Variants in TAF15 observed in about 807,000 individuals in gnomAD.
The protein encoded by TAF15 is TATA-binding protein-associated factor 2N.
TAF15 carries 37 observed loss-of-function variants against 102.5 expected under a neutral mutation model. The ratio of observed to expected loss-of-function variants is 0.36; its 90% confidence interval spans 0.28 to 0.47. TAF15 has a LOEUF of 0.47. Among genes scored for constraint, TAF15 ranks in the 20% least tolerant of loss-of-function variants. The pLI is 0.99. For synonymous variants in TAF15, 273 were observed against 259.2 expected, an observed-to-expected ratio of 1.05 and a Z score of -0.51; for missense variants, 652 against 760.7, an observed-to-expected ratio of 0.86 and a Z score of 1.68.
At chr17:35,815,485 C>T (rs570358976) in intron 1 of TAF15, among the ~76,000 whole-genome samples, 1 of 152,166 alleles carries the variant, frequency 6.6e-6, no homozygotes, top group South Asian at 2.1e-4. Context: ...TTTATAATTT[C>T]AGAGGGCTGA....
At chr17:35,831,795 C>CT (rs2087409587) in intron 7 of TAF15, among the ~76,000 whole-genome samples, 1 of 152,202 alleles carries the variant, frequency 6.6e-6, no homozygotes, top group African/African-American at 2.4e-5. Flanking sequence ...TAAAAAACCT[C>CT]TGAGAGGCCG....
chr17:35,820,131 G>T (rs1474309434), intron 3 of TAF15, 33 bp from the exon 4 acceptor site: 1 of 1,613,462 alleles, frequency 6.2e-7, no homozygotes, highest in Non-Finnish European at 8.5e-7. Flanking sequence ...TCTTAAGTAG[G>T]TGATGAAACT....
intron 1 of TAF15, among the ~76,000 whole-genome samples, chr17:35,812,284 C>T (rs1023598360): frequency 6.6e-6 from 1 of 151,896 alleles, no homozygotes; most frequent in Admixed American, 6.6e-5. Context: ...CTGGTAATAC[C>T]CTTGGTGTTT....
chr17:35,842,103 C>G (rs1434197804), intron 11 of TAF15, among the ~76,000 whole-genome samples: 1 of 152,060 alleles, frequency 6.6e-6, no homozygotes, highest in African/African-American at 2.4e-5. Context: ...GCTGGTGCTA[C>G]AGACACATAC....
intron 15 of TAF15, among the ~76,000 whole-genome samples, chr17:35,845,577 G>A (rs4251787): frequency 0.26 from 39,745 of 151,922 alleles, 6,104 homozygotes; most frequent in African/African-American, 0.42. Context: ...CAGTGGCGCA[G>A]TCTCGGCTCA....
At position 35,810,835 on chromosome 17, in the gene TAF15, G is replaced by A. The variant is rs533270563; in HGVS notation, c.7+1259G>A. On this transcript the variant is annotated intron_variant, in intron 1 of 15. Transcript: ENST00000605844. The stretch of plus-strand genomic sequence containing the variant: ...CATGCTATACATTACTTAGATTAAT[G>A]TTGATATTTAAGGAGCCAGGATATT... The A allele has an allele frequency of 7.2e-5, 11 of 152,330 alleles. No homozygotes were observed. In the East Asian group the frequency reaches 1.3e-3, roughly 19 times the overall value. The allele number at this position is 152,330 out of a possible 1,614,324, so 9.4% of individuals were successfully genotyped here. A position where few individuals can be genotyped will look rare whatever the true frequency, so the allele number is the denominator to read the frequency against.
chr17:35,846,646 G>A (rs752489420), intron 15 of TAF15, among the ~76,000 whole-genome samples: 1 of 152,170 alleles, frequency 6.6e-6, no homozygotes, highest in Non-Finnish European at 1.5e-5. Flanking sequence ...CTGATCTTCT[G>A]AAATATTTGT....
At position 35,844,356 on chromosome 17, in the gene TAF15, C is replaced by G. The variant is rs372454711; in HGVS notation, c.1165C>G (p.Pro389Ala). The change falls in exon 14 of 16, where the codon CCC becomes GCC. Residue 389 changes from proline to alanine, a missense_variant. Coordinates refer to ENST00000605844, the MANE Select transcript of TAF15 (RefSeq NM_139215.3). Reference sequence around the variant, plus strand: ...TGAGCCTAGACCAGAGGACTCTCGTCCCTCAGGAGGAGGTGGGTCAGCCTT... The same window carrying G: ...TGAGCCTAGACCAGAGGACTCTCGTGCCTCAGGAGGAGGTGGGTCAGCCTT... ...CNEPRPEDSR[P>A]SGGDFRGRGY... The G allele has an allele frequency of 3.7e-6, 6 of 1,614,048 alleles. No homozygotes were observed. The highest frequency in any genetic ancestry group is 5.1e-6 in the Non-Finnish European group (6 of 1,180,008).
chr17:35,814,983 G>A (rs781611410), intron 1 of TAF15, among the ~76,000 whole-genome samples: 1 of 152,036 alleles, frequency 6.6e-6, no homozygotes, highest in Non-Finnish European at 1.5e-5. Context: ...TAATAGATCA[G>A]GCAAACAGTA....
intron 1 of TAF15, chr17:35,809,790 C>T (rs1467600319): frequency 3.1e-6 from 2 of 650,168 alleles, no homozygotes. Flanking sequence ...GCGCCTCGGG[C>T]CTCTTGTCTT....
At chr17:35,836,503 A>G (rs1370203463) in intron 10 of TAF15, among the ~76,000 whole-genome samples, 1 of 152,168 alleles carries the variant, frequency 6.6e-6, no homozygotes, top group East Asian at 1.9e-4. Flanking sequence ...CTTAGTTCTT[A>G]TAACTGTGAG....
At chr17:35,818,187 G>A (rs1314086011) in intron 2 of TAF15, among the ~76,000 whole-genome samples, 1 of 151,814 alleles carries the variant, frequency 6.6e-6, no homozygotes, top group Admixed American at 6.6e-5. Flanking sequence ...GCTCCGCCTC[G>A]CAGGTTCACG....
intron 7 of TAF15, among the ~76,000 whole-genome samples, chr17:35,827,753 A>T (rs1313347289): frequency 6.6e-6 from 1 of 152,138 alleles, no homozygotes; most frequent in Non-Finnish European, 1.5e-5. Flanking sequence ...ATTGGATATA[A>T]GGTAAAGGAT....
At chr17:35,842,338 T>C in intron 11 of TAF15, 29 bp from the exon 12 acceptor site, 1 of 1,576,164 alleles carries the variant, frequency 6.3e-7, no homozygotes, top group Non-Finnish European at 8.7e-7. Flanking sequence ...AGAGTAGCAT[T>C]GCTTCAAAGC....
At chr17:35,845,447 G>A (rs561725592) in intron 15 of TAF15, among the ~76,000 whole-genome samples, 2 of 152,002 alleles carry the variant, frequency 1.3e-5, no homozygotes, top group African/African-American at 4.8e-5. Context: ...GTAGAGACAG[G>A]GTCTCACTAT....
rs1490929565 is a variant in TAF15, at chr17:35,841,719, A to T, written c.914-648A>T. 3.7e-5 allele frequency among the ~76,000 whole-genome samples: 5 copies of T among 135,268 alleles called. No homozygotes were observed. In the East Asian group the frequency reaches 1.1e-3, roughly 29 times the overall value. The allele number at this position is 135,268 out of a possible 152,430, so 88.7% of individuals were successfully genotyped here. Reference sequence around the variant, plus strand: ...AGCTTTTTTTTTTTTTTTTTTGGAGAGAGAGTATCACACTGTCTTCCAGGC... The same window carrying T: ...AGCTTTTTTTTTTTTTTTTTTGGAGTGAGAGTATCACACTGTCTTCCAGGC... On this transcript the variant is annotated intron_variant, in intron 11 of 15. Transcript: ENST00000605844.
At chr17:35,834,083 A>G (rs2087440395) in intron 8 of TAF15, 142 bp downstream of exon 8, 7 of 538,782 alleles carry the variant, frequency 1.3e-5, no homozygotes, top group Non-Finnish European at 3.2e-6. Flanking sequence ...AAAATTTTAT[A>G]TATATATATA....
In TAF15 at chr17:35,845,472, T is replaced by C. The variant is rs527388030; in HGVS notation, c.1739+434T>C. On this transcript the variant is annotated intron_variant, in intron 15 of 15. Transcript: ENST00000605844. ...GGTCTCACTATGTTGCCCAGGCTGGTCTCAAACTCCTGGCCTCAAGCATTC... is the reference window on the plus strand; with the variant it reads ...GGTCTCACTATGTTGCCCAGGCTGGCCTCAAACTCCTGGCCTCAAGCATTC... 2.6e-5 allele frequency among the ~76,000 whole-genome samples: 4 copies of C among 152,260 alleles called. No individual in the cohort carries two copies. In the East Asian group the frequency reaches 5.8e-4, roughly 22 times the overall value.
intron 7 of TAF15, chr17:35,833,683 A>G (rs2087434831): frequency 7.3e-6 from 4 of 545,734 alleles, no homozygotes; most frequent in Non-Finnish European, 1.3e-5. Flanking sequence ...AGTATATTAG[A>G]TATGTAATAA....
Sources: gnomAD v4.1 joint callset for allele counts (sites outside exome capture counted in the v4.1 genomes callset) on GRCh38, gnomAD v4.1.1 for gene constraint, MANE v1.5 for transcripts, NCBI Gene and HGNC (gene_info 2026-07-23, HGNC 2026-07-21) for gene names.